RAD23B: variants seen among roughly 807,000 people sequenced by gnomAD.
RAD23B encodes lysine-specific demethylase RAD23B.
In RAD23B, 5 loss-of-function variants were observed where a neutral mutation model predicts 49.1. That is an observed-to-expected ratio of 0.10 (90% CI 0.05 to 0.21). RAD23B has a LOEUF of 0.21. RAD23B is among the 10% of genes least tolerant of loss of function. The probability of loss-of-function intolerance (pLI) is 1.00; values close to 1 mark genes in which losing one functional copy is unlikely to be tolerated. For missense variants in RAD23B, 356 were observed against 486.7 expected (o/e 0.73, Z 2.53); for synonymous variants, 184 against 165.4 (o/e 1.11, Z -0.86).
chr9:107,298,222 G>A (rs981937460), intron 1 of RAD23B, among the ~76,000 whole-genome samples: 6 of 152,178 alleles, frequency 3.9e-5, no homozygotes, highest in African/African-American at 1.4e-4. Context: ...TAGGATAGCA[G>A]TCTTCAAATG....
intron 5 of RAD23B, 21 bp downstream of exon 5, chr9:107,311,758 A>G: frequency 1.9e-6 from 3 of 1,541,876 alleles, no homozygotes; most frequent in Non-Finnish European, 2.6e-6. Flanking sequence ...GCTTTTCCTT[A>G]TAAATAACCT....
chr9:107,321,146 C>G (rs1220631634), intron 6 of RAD23B, among the ~76,000 whole-genome samples: 4 of 152,134 alleles, frequency 2.6e-5, no homozygotes, highest in African/African-American at 4.8e-5. Flanking sequence ...TATAAACTTA[C>G]AAAAGGCATC....
In RAD23B at chr9:107,311,651, A is replaced by C. The variant is rs547086698; in HGVS notation, c.498-31A>C. On this transcript the variant is annotated intron_variant, in intron 4 of 9. Coordinates refer to ENST00000358015, the MANE Select transcript of RAD23B (RefSeq NM_002874.5). ...GTAAATTAAATTTTATATACTTTTTAAAATGTGATTTTTCTAAAATCCTTT... is the reference window on the plus strand; with the variant it reads ...GTAAATTAAATTTTATATACTTTTTCAAATGTGATTTTTCTAAAATCCTTT... 1.8e-5 allele frequency: 27 copies of C among 1,515,624 alleles called. No individual in the cohort carries two copies. In the South Asian group the frequency reaches 3.2e-4, roughly 18 times the overall value. 93.9% of individuals were successfully genotyped at this position (1,515,624 alleles called of 1,614,324 possible). A position where few individuals can be genotyped will look rare whatever the true frequency, so the allele number is the denominator to read the frequency against.
chr9:107,293,723 A>C (rs182244430), intron 1 of RAD23B, among the ~76,000 whole-genome samples: 1 of 152,302 alleles, frequency 6.6e-6, no homozygotes, highest in Non-Finnish European at 1.5e-5. Context: ...CTATCATAGG[A>C]ATATGATTTA....
chr9:107,327,089 G>T (rs1207410628), intron 9 of RAD23B, among the ~76,000 whole-genome samples: 2 of 152,026 alleles, frequency 1.3e-5, no homozygotes, highest in Non-Finnish European at 2.9e-5. Context: ...TAATGTTCCT[G>T]CATTTATTCC....
intron 6 of RAD23B, among the ~76,000 whole-genome samples, chr9:107,319,650 C>T (rs548463786): frequency 2.6e-4 from 40 of 152,264 alleles, no homozygotes; most frequent in East Asian, 5.8e-4. Context: ...CTGTTACCAA[C>T]GTAACATCAT....
intron 1 of RAD23B, among the ~76,000 whole-genome samples, chr9:107,289,870 A>G (rs992805171): frequency 1.3e-5 from 2 of 152,184 alleles, no homozygotes; most frequent in African/African-American, 4.8e-5. Flanking sequence ...ATGTGATTAA[A>G]TTCAACTCAG....
intron 5 of RAD23B, among the ~76,000 whole-genome samples, chr9:107,313,481 T>TC (rs568756692): frequency 2.6e-5 from 4 of 152,302 alleles, no homozygotes; most frequent in African/African-American, 9.6e-5. Flanking sequence ...CGCCTCGGCC[T>TC]CCAAAGTGCT....
chr9:107,293,607 C>T (rs968296512), intron 1 of RAD23B, among the ~76,000 whole-genome samples: 5 of 152,094 alleles, frequency 3.3e-5, no homozygotes, highest in African/African-American at 1.2e-4. Flanking sequence ...TAACAGTGAG[C>T]ACGCTGTTAT....
rs1233708366 is a variant in RAD23B, at chr9:107,283,564, G to A, written c.-66G>A. 1.5e-6 allele frequency: 2 copies of A among 1,339,662 alleles called. No individual in the cohort carries two copies. The highest frequency in any genetic ancestry group is 2.0e-6 in the Non-Finnish European group (2 of 1,013,490). The allele number at this position is 1,339,662 out of a possible 1,614,324, so 83.0% of individuals were successfully genotyped here. ...GCGGGCGACCCCGGGGCCCCGCCAG[G>A]CCACAGACCCCGCCCAGCGGCCAGC... On this transcript the variant is annotated 5_prime_UTR_variant, in exon 1 of 10. Coordinates refer to ENST00000358015, the MANE Select transcript of RAD23B (RefSeq NM_002874.5).
chr9:107,298,469 G>A (rs1159973351), intron 1 of RAD23B, among the ~76,000 whole-genome samples: 2 of 136,248 alleles, frequency 1.5e-5, no homozygotes, highest in African/African-American at 2.9e-5. Context: ...CGCCATGCTT[G>A]GCTAATTTTT....
At chr9:107,298,573 C>T (rs1826582829) in intron 1 of RAD23B, among the ~76,000 whole-genome samples, 1 of 144,178 alleles carries the variant, frequency 6.9e-6, no homozygotes, top group Non-Finnish European at 1.5e-5. Context: ...TCAGGTGATC[C>T]TCCCACTGCA....
chr9:107,323,714 T>C (rs1037289336), intron 7 of RAD23B, among the ~76,000 whole-genome samples, 176 bp from the exon 8 acceptor site: 1 of 152,212 alleles, frequency 6.6e-6, no homozygotes, highest in African/African-American at 2.4e-5. Context: ...TTTTGCCGTA[T>C]AAAACTTGCA....
In RAD23B at chr9:107,283,681, G is replaced by A; in HGVS notation, c.52G>A (p.Asp18Asn). The A allele has an allele frequency of 6.8e-7, 1 of 1,473,908 alleles. No individual in the cohort carries two copies. 91.3% of individuals were successfully genotyped at this position (1,473,908 alleles called of 1,614,324 possible). Reference protein sequence around the residue: ...LQQQTFKIDIDPEETVKALKE... With the variant: ...LQQQTFKIDINPEETVKALKE... ...GCAGCAGACCTTCAAGATAGACATT[G>A]ACCCCGAGGAGACGGTATGCGCGCG... Residue 18 changes from aspartate (D) to asparagine (N), a missense_variant, in exon 1 of 10, where the codon GAC becomes AAC. Coordinates refer to ENST00000358015, the MANE Select transcript of RAD23B (RefSeq NM_002874.5).
chr9:107,314,337 C>T (rs1826948341), intron 5 of RAD23B, among the ~76,000 whole-genome samples: 1 of 152,058 alleles, frequency 6.6e-6, no homozygotes, highest in African/African-American at 2.4e-5. Context: ...GTTTTTGAAC[C>T]CACACTCCAC....
chr9:107,286,272 G>A (rs898557533), intron 1 of RAD23B, among the ~76,000 whole-genome samples: 9 of 152,220 alleles, frequency 5.9e-5, no homozygotes, highest in African/African-American at 2.2e-4. Context: ...TAAATGTTTA[G>A]TGAGCTTTGC....
chr9:107,305,109 C>G (rs1315818993), intron 3 of RAD23B, among the ~76,000 whole-genome samples: 2 of 150,702 alleles, frequency 1.3e-5, no homozygotes, highest in African/African-American at 2.4e-5. Flanking sequence ...GGTAACATGG[C>G]GAAACCTTGT....
chr9:107,283,724 G>A (rs1199819119), intron 1 of RAD23B, 29 bp downstream of exon 1: 28 of 1,417,080 alleles, frequency 2.0e-5, no homozygotes, highest in Non-Finnish European at 2.5e-5. Flanking sequence ...GGCAGGGGCA[G>A]CCGCGTGCGG....
chr9:107,283,780 A>C (rs1042987275), intron 1 of RAD23B, 85 bp downstream of exon 1: 1 of 1,216,026 alleles, frequency 8.2e-7, no homozygotes, highest in African/African-American at 1.6e-5. Context: ...GGCGCGCTCC[A>C]GCGGGGGAAG....
Sources: allele counts gnomAD v4.1 joint callset (sites outside exome capture counted in the v4.1 genomes callset), GRCh38; gene constraint gnomAD v4.1.1; transcripts MANE v1.5; gene names NCBI Gene and HGNC (gene_info 2026-07-23, HGNC 2026-07-21).